Variants in RALYL observed in about 807,000 individuals in gnomAD.
The protein encoded by RALYL is RALY RNA binding protein like.
A neutral mutation model predicts 35.1 loss-of-function variants in RALYL; 29 were observed. That is an observed-to-expected ratio of 0.83 (90% CI 0.61 to 1.13). RALYL has a LOEUF of 1.13. RALYL is among the 50% of genes most tolerant of loss of function. RALYL has a pLI of 0.00. For synonymous variants in RALYL, 120 were observed against 127.6 expected, an observed-to-expected ratio of 0.94 and a Z score of 0.40; for missense variants, 359 against 360.4, an observed-to-expected ratio of 1.00 and a Z score of 0.03.
chr8:84,517,140 T>C (rs2058127463), intron 1 of RALYL, among the ~76,000 whole-genome samples: 1 of 152,118 alleles, frequency 6.6e-6, no homozygotes, highest in African/African-American at 2.4e-5. Context: ...AAATATACAC[T>C]CCAGTTGAAT....
At chr8:84,567,909 G>A (rs116467612) in intron 2 of RALYL, among the ~76,000 whole-genome samples, 2,595 of 151,614 alleles carry the variant, frequency 0.017, 87 homozygotes, top group African/African-American at 0.059. Flanking sequence ...TTTGACTGTG[G>A]CAAGATGATA....
chr8:84,671,858 AT>A (rs1352441004), intron 2 of RALYL, among the ~76,000 whole-genome samples: 1 of 152,118 alleles, frequency 6.6e-6, no homozygotes, highest in Non-Finnish European at 1.5e-5. Flanking sequence ...GGCAGTTAAC[AT>A]TTACTCCTCA....
chr8:84,625,017 G>A (rs536593542), intron 2 of RALYL, among the ~76,000 whole-genome samples: 42 of 152,236 alleles, frequency 2.8e-4, no homozygotes, highest in Middle Eastern at 3.4e-3. Flanking sequence ...ACAGAAACTG[G>A]AGTTTATTTG....
intron 1 of RALYL, among the ~76,000 whole-genome samples, chr8:84,282,532 G>T (rs1836769120): frequency 6.6e-6 from 1 of 151,928 alleles, no homozygotes; most frequent in South Asian, 2.1e-4. Flanking sequence ...ATGAGGGGTG[G>T]TTCATAATTT....
At chr8:84,747,969 C>T (rs949294997) in intron 2 of RALYL, among the ~76,000 whole-genome samples, 9 of 151,988 alleles carry the variant, frequency 5.9e-5, no homozygotes, top group Admixed American at 5.9e-4. Context: ...AAACAGAAGC[C>T]AAATCCATAT....
At chr8:84,732,619 A>T (rs1436832751) in intron 2 of RALYL, among the ~76,000 whole-genome samples, 1 of 150,000 alleles carries the variant, frequency 6.7e-6, no homozygotes, top group African/African-American at 2.5e-5. Flanking sequence ...AGGATAAAAC[A>T]TGTAATTTAT....
intron 1 of RALYL, among the ~76,000 whole-genome samples, chr8:84,244,691 A>G (rs1349374183): frequency 6.6e-6 from 1 of 152,202 alleles, no homozygotes; most frequent in Non-Finnish European, 1.5e-5. Flanking sequence ...AAAAATGATC[A>G]TTTATTATCT....
chr8:84,919,577 A>T (rs1848999810), intron 8 of RALYL, among the ~76,000 whole-genome samples: 1 of 152,056 alleles, frequency 6.6e-6, no homozygotes, highest in Non-Finnish European at 1.5e-5. Context: ...TTCAAAATTC[A>T]TATATATGTG....
At chr8:84,753,723 A>G (rs1247663925) in intron 2 of RALYL, among the ~76,000 whole-genome samples, 1 of 152,104 alleles carries the variant, frequency 6.6e-6, no homozygotes, top group Non-Finnish European at 1.5e-5. Context: ...GCCTTCTGCC[A>G]TGATTGAAAG....
chr8:84,744,449 G>A (rs1471776641), intron 2 of RALYL, among the ~76,000 whole-genome samples: 1 of 151,960 alleles, frequency 6.6e-6, no homozygotes, highest in African/African-American at 2.4e-5. Context: ...TCCCATTGAA[G>A]CAAAGCAGGA....
chr8:84,496,028 T>A (rs1455472682), intron 1 of RALYL, among the ~76,000 whole-genome samples: 2 of 152,112 alleles, frequency 1.3e-5, no homozygotes, highest in East Asian at 3.8e-4. Flanking sequence ...TTTAAGATAA[T>A]AAGTGAAAGC....
chr8:84,509,990 G>A (rs1446375723), intron 1 of RALYL, among the ~76,000 whole-genome samples: 1 of 152,096 alleles, frequency 6.6e-6, no homozygotes, highest in Non-Finnish European at 1.5e-5. Flanking sequence ...CCCATTCTGG[G>A]AACTTAGCCT....
chr8:84,835,037 A>G (rs1329353337), intron 4 of RALYL, among the ~76,000 whole-genome samples: 1 of 152,174 alleles, frequency 6.6e-6, no homozygotes, highest in East Asian at 1.9e-4. Context: ...AAACAAAGAG[A>G]TGGATCATAG....
At chr8:84,741,336 C>G (rs1807247986) in intron 2 of RALYL, among the ~76,000 whole-genome samples, 1 of 152,020 alleles carries the variant, frequency 6.6e-6, no homozygotes, top group African/African-American at 2.4e-5. Flanking sequence ...TATCACACAG[C>G]TAGCTGTCTT....
At chr8:84,368,289 T>C (rs948889816) in intron 1 of RALYL, among the ~76,000 whole-genome samples, 29 of 152,338 alleles carry the variant, frequency 1.9e-4, no homozygotes, top group African/African-American at 7.0e-4. Flanking sequence ...AAACGTAGTT[T>C]AAAATTTTAC....
intron 2 of RALYL, among the ~76,000 whole-genome samples, chr8:84,703,948 T>C (rs1195903831): frequency 6.6e-6 from 1 of 152,148 alleles, no homozygotes; most frequent in Non-Finnish European, 1.5e-5. Flanking sequence ...ATCTATATAC[T>C]GAGAACTCAC....
intron 2 of RALYL, among the ~76,000 whole-genome samples, chr8:84,594,296 T>C (rs1364202774): frequency 6.6e-6 from 1 of 152,116 alleles, no homozygotes; most frequent in Non-Finnish European, 1.5e-5. Flanking sequence ...CAAAATAGGA[T>C]ATTATAAGCA....
intron 2 of RALYL, among the ~76,000 whole-genome samples, chr8:84,557,780 A>C (rs1261162801): frequency 6.6e-6 from 1 of 152,128 alleles, no homozygotes; most frequent in Non-Finnish European, 1.5e-5. Flanking sequence ...GAAAAAAAAA[A>C]CAAATGCTGA....
chr8:84,609,501 A>G (rs1363939072), intron 2 of RALYL, among the ~76,000 whole-genome samples: 1 of 152,164 alleles, frequency 6.6e-6, no homozygotes, highest in Non-Finnish European at 1.5e-5. Flanking sequence ...GTAAATGTAC[A>G]CATTAAAAGT....
Sources: allele counts gnomAD v4.1 joint callset (sites outside exome capture counted in the v4.1 genomes callset), GRCh38; gene constraint gnomAD v4.1.1; transcripts MANE v1.5; gene names NCBI Gene and HGNC (gene_info 2026-07-23, HGNC 2026-07-21).